The following UNC13C variants were observed in gnomAD, a reference collection of about 807,000 sequenced individuals.
The protein encoded by UNC13C is protein unc-13 homolog C.
In UNC13C, 174 loss-of-function variants were observed where a neutral mutation model predicts 245.4. The observed-to-expected ratio is 0.71, with a 90% CI of 0.63 to 0.80. The LOEUF is 0.80. Among genes scored for constraint, UNC13C ranks in the 30% least tolerant of loss-of-function variants. The pLI is 0.00. For missense variants in UNC13C, 2,829 were observed against 2,602.9 expected (o/e 1.09, Z -1.89); for synonymous variants, 992 against 895.1 (o/e 1.11, Z -1.93).
intron 4 of UNC13C, among the ~76,000 whole-genome samples, chr15:54,199,769 A>T (rs2034464011): frequency 1.3e-5 from 2 of 152,128 alleles, no homozygotes; most frequent in Admixed American, 1.3e-4. Context: ...GACCTATATA[A>T]CAACACAATG....
chr15:54,330,695 A>C (rs756515772), intron 14 of UNC13C, among the ~76,000 whole-genome samples: 18 of 152,168 alleles, frequency 1.2e-4, no homozygotes, highest in Non-Finnish European at 2.2e-4. Context: ...AGGGCCACCA[A>C]CCCAAATGCA....
intron 2 of UNC13C, among the ~76,000 whole-genome samples, chr15:54,033,265 A>G (rs1212146029): frequency 6.6e-6 from 1 of 152,194 alleles, no homozygotes; most frequent in Non-Finnish European, 1.5e-5. Flanking sequence ...ATGTACTTCT[A>G]TTTACCAATA....
intron 2 of UNC13C, among the ~76,000 whole-genome samples, chr15:54,112,320 C>T (rs929042292): frequency 7.9e-5 from 12 of 152,158 alleles, no homozygotes; most frequent in African/African-American, 2.9e-4. Flanking sequence ...GAGAGGGGCT[C>T]CTGAGTGGGT....
At chr15:54,440,816 A>T (rs900741415) in intron 19 of UNC13C, among the ~76,000 whole-genome samples, 2 of 152,040 alleles carry the variant, frequency 1.3e-5, no homozygotes, top group African/African-American at 4.8e-5. Context: ...CCCTGCCAGC[A>T]TCTATCATTT....
At chr15:54,576,689 G>A (rs1897968679) in intron 30 of UNC13C, among the ~76,000 whole-genome samples, 1 of 152,204 alleles carries the variant, frequency 6.6e-6, no homozygotes, top group East Asian at 1.9e-4. Context: ...TTGCTGCATT[G>A]CTCTGTCCTC....
intron 19 of UNC13C, among the ~76,000 whole-genome samples, 160 bp downstream of exon 19, chr15:54,415,227 C>T (rs2040494775): frequency 6.6e-6 from 1 of 152,036 alleles, no homozygotes; most frequent in Non-Finnish European, 1.5e-5. Context: ...GATAAGGTCT[C>T]AAAGTACTCA....
At chr15:54,275,438 T>C (rs952619398) in intron 10 of UNC13C, among the ~76,000 whole-genome samples, 3 of 152,176 alleles carry the variant, frequency 2.0e-5, no homozygotes, top group Non-Finnish European at 4.4e-5. Context: ...TATTTTTTTC[T>C]GCCCTTTTTT....
chr15:54,191,363 C>T (rs905624644), intron 4 of UNC13C, among the ~76,000 whole-genome samples: 26 of 152,130 alleles, frequency 1.7e-4, no homozygotes, highest in African/African-American at 6.0e-4. Flanking sequence ...ATCCATGTCC[C>T]TGTAAAGGAC....
chr15:54,184,403 G>A (rs917025674), intron 4 of UNC13C, among the ~76,000 whole-genome samples: 1 of 152,036 alleles, frequency 6.6e-6, no homozygotes, highest in African/African-American at 2.4e-5. Context: ...ATCTCCTAAT[G>A]CTATCCCTCC....
the UNC13C span, among the ~76,000 whole-genome samples, chr15:53,904,082 A>G: frequency 6.6e-6 from 1 of 152,182 alleles, no homozygotes; most frequent in South Asian, 2.1e-4. Flanking sequence ...TTGATTGACT[A>G]GTTTACCTGG....
intron 22 of UNC13C, among the ~76,000 whole-genome samples, chr15:54,502,296 TC>T (rs758510849): frequency 3.9e-5 from 6 of 152,084 alleles, no homozygotes; most frequent in Non-Finnish European, 8.8e-5. Flanking sequence ...AATGTTATAA[TC>T]AGAGCATCTC....
chr15:54,415,868 AC>A (rs1429869272), intron 19 of UNC13C, among the ~76,000 whole-genome samples: 2 of 152,158 alleles, frequency 1.3e-5, no homozygotes, highest in African/African-American at 4.8e-5. Flanking sequence ...CTGGAGAAGC[AC>A]CTACAGCAGA....
At chr15:54,143,100 T>G in intron 3 of UNC13C, 60 bp downstream of exon 3, 1 of 1,467,792 alleles carries the variant, frequency 6.8e-7, no homozygotes, top group Non-Finnish European at 9.5e-7. Flanking sequence ...CATGTTTGTT[T>G]GTGACATATT....
chr15:54,149,224 C>T (rs7171627), intron 4 of UNC13C, among the ~76,000 whole-genome samples: 9,945 of 152,164 alleles, frequency 0.065, 641 homozygotes, highest in African/African-American at 0.17. Flanking sequence ...TCAGTTAAAC[C>T]TCTTTTCTTT....
chr15:54,308,484 C>T (rs745892742), intron 13 of UNC13C, among the ~76,000 whole-genome samples: 17 of 151,688 alleles, frequency 1.1e-4, no homozygotes, highest in Admixed American at 4.0e-4. Flanking sequence ...ATATATATTA[C>T]TTTACATAGT....
At chr15:54,211,123 A>G (rs2034865876) in intron 4 of UNC13C, among the ~76,000 whole-genome samples, 1 of 152,110 alleles carries the variant, frequency 6.6e-6, no homozygotes, top group Non-Finnish European at 1.5e-5. Flanking sequence ...AATTAATTTG[A>G]CCAGGGAATC....
chr15:54,544,765 G>C (rs574366210), intron 26 of UNC13C, among the ~76,000 whole-genome samples: 74 of 152,264 alleles, frequency 4.9e-4, no homozygotes, highest in African/African-American at 1.7e-3. Flanking sequence ...TCTCCAAGGA[G>C]AACTACAAAC....
the UNC13C span, among the ~76,000 whole-genome samples, chr15:53,946,673 G>GTTTT: frequency 3.0e-5 from 3 of 99,280 alleles, no homozygotes; most frequent in Admixed American, 2.3e-4. Flanking sequence ...GTGAGCTGAG[G>GTTTT]TTTTTTTTTT....
intron 11 of UNC13C, among the ~76,000 whole-genome samples, chr15:54,295,686 G>A (rs62011999): frequency 0.44 from 66,216 of 149,770 alleles, 17,995 homozygotes; most frequent in African/African-American, 0.76. Flanking sequence ...AGAACAAAAA[G>A]AAAAACCATG....
Sources: allele counts gnomAD v4.1 joint callset (sites outside exome capture counted in the v4.1 genomes callset), GRCh38; gene constraint gnomAD v4.1.1; transcripts MANE v1.5; gene names NCBI Gene and HGNC (gene_info 2026-07-23, HGNC 2026-07-21).